SYN3: variants seen among roughly 807,000 people sequenced by gnomAD.
SYN3 encodes synapsin III, also known as synapsin-3.
SYN3 carries 35 observed loss-of-function variants against 65.8 expected under a neutral mutation model. The ratio of observed to expected loss-of-function variants is 0.53; its 90% confidence interval spans 0.41 to 0.70. SYN3 has a LOEUF of 0.70. Ranked by LOEUF, SYN3 falls within the 30% of genes least tolerant of loss-of-function variation. SYN3 has a pLI of 0.00. For missense variants in SYN3, 680 were observed against 749.0 expected (o/e 0.91, Z 1.08); for synonymous variants, 270 against 292.9 (o/e 0.92, Z 0.80).
At position 32,801,913 on chromosome 22, in the gene SYN3, G is replaced by C. The variant is rs1335493536; in HGVS notation, c.711+63002C>G. The C allele has an allele frequency of 6.3e-6, 9 of 1,425,666 alleles. No homozygotes were observed. Among genetic ancestry groups the C allele is most frequent in the Non-Finnish European group, 8.2e-6 (9 of 1,096,878 alleles). The allele number at this position is 1,425,666 out of a possible 1,614,324, so 88.3% of individuals were successfully genotyped here. A position where few individuals can be genotyped will look rare whatever the true frequency, so the allele number is the denominator to read the frequency against. On this transcript the variant is annotated intron_variant, in intron 6 of 13. Transcript: ENST00000358763. The surrounding 1 kb of genome is among the most constrained non-coding windows in gnomAD (Gnocchi z 4.7). ...GCCCCGCACGGCCCGGCGGGCGAGC[G>C]AGCTCGGGCTGCAGCAGCCCCGCCG...
intron 6 of SYN3, among the ~76,000 whole-genome samples, chr22:32,818,550 G>A (rs534731209): frequency 2.0e-5 from 3 of 152,268 alleles, no homozygotes; most frequent in African/African-American, 7.2e-5. Flanking sequence ...CGCTTTCAGA[G>A]TATTTAAAGG....
intron 6 of SYN3, among the ~76,000 whole-genome samples, chr22:32,808,925 G>C (rs910702266): frequency 6.6e-6 from 1 of 152,176 alleles, no homozygotes; most frequent in African/African-American, 2.4e-5. Context: ...CACTTTAGAG[G>C]GTAAGCACCC....
chr22:32,921,837 G>T (rs1049835274), intron 4 of SYN3, among the ~76,000 whole-genome samples: 22 of 152,096 alleles, frequency 1.4e-4, no homozygotes, highest in African/African-American at 4.6e-4. Context: ...TTATTATTAG[G>T]AGGAGGAGGG....
intron 6 of SYN3, among the ~76,000 whole-genome samples, chr22:32,719,387 A>AT (rs2061084315): frequency 6.6e-6 from 1 of 152,214 alleles, no homozygotes; most frequent in Non-Finnish European, 1.5e-5. Context: ...TGAAACTGTG[A>AT]TTTGGTGTTT....
chr22:32,855,231 C>T (rs1049852754), intron 6 of SYN3, among the ~76,000 whole-genome samples: 2 of 152,186 alleles, frequency 1.3e-5, no homozygotes, highest in African/African-American at 2.4e-5. Flanking sequence ...TTCACAGTAT[C>T]GCCTTGGCAC....
intron 4 of SYN3, among the ~76,000 whole-genome samples, chr22:32,879,507 C>T (rs142789138): frequency 5.3e-5 from 8 of 152,282 alleles, no homozygotes; most frequent in African/African-American, 1.4e-4. Context: ...ATTCTCATTG[C>T]GTCCTCACAT....
At chr22:32,518,877 G>T (rs1330490646) in intron 12 of SYN3, among the ~76,000 whole-genome samples, 1 of 152,196 alleles carries the variant, frequency 6.6e-6, no homozygotes, top group Non-Finnish European at 1.5e-5. Context: ...TCTATTTGGA[G>T]ATAGGATCTT....
At chr22:32,814,782 G>A (rs1308398915) in intron 6 of SYN3, among the ~76,000 whole-genome samples, 1 of 152,024 alleles carries the variant, frequency 6.6e-6, no homozygotes, top group Admixed American at 6.6e-5. Context: ...TCACAAGCGG[G>A]GAGACAGAAA....
chr22:32,841,199 C>T (rs899165666), intron 6 of SYN3, among the ~76,000 whole-genome samples: 2 of 152,174 alleles, frequency 1.3e-5, no homozygotes, highest in Non-Finnish European at 2.9e-5. Context: ...GCTTTGGCTA[C>T]AGCAATAGGT....
chr22:32,911,479 C>T (rs2050049092), intron 4 of SYN3, among the ~76,000 whole-genome samples: 1 of 152,126 alleles, frequency 6.6e-6, no homozygotes, highest in Non-Finnish European at 1.5e-5. Context: ...AGAGAATAAA[C>T]ATGGCCAGAT....
chr22:32,537,531 C>T (rs2058185830), intron 9 of SYN3, among the ~76,000 whole-genome samples: 1 of 152,174 alleles, frequency 6.6e-6, no homozygotes, highest in South Asian at 2.1e-4. Context: ...AGCCAGAGAG[C>T]ATCCCTAAAA....
chr22:32,643,970 T>A (rs1230142780), intron 6 of SYN3, among the ~76,000 whole-genome samples: 1 of 145,822 alleles, frequency 6.9e-6, no homozygotes, highest in African/African-American at 2.6e-5. Flanking sequence ...TCCCAGCTAC[T>A]TGGAGGCTGA....
At chr22:32,738,457 G>T (rs2061361589) in intron 6 of SYN3, among the ~76,000 whole-genome samples, 1 of 152,224 alleles carries the variant, frequency 6.6e-6, no homozygotes, top group African/African-American at 2.4e-5. Context: ...CAAATGCAAA[G>T]CGCCAAGATG....
At chr22:33,024,590 A>G (rs914181828) in intron 1 of SYN3, among the ~76,000 whole-genome samples, 10 of 152,184 alleles carry the variant, frequency 6.6e-5, no homozygotes, top group African/African-American at 2.4e-4. Flanking sequence ...TTTGGCATGT[A>G]CATTTTATGG....
intron 3 of SYN3, among the ~76,000 whole-genome samples, chr22:32,967,327 G>C (rs1315629966): frequency 2.0e-5 from 3 of 152,186 alleles, no homozygotes; most frequent in African/African-American, 7.2e-5. Context: ...AGTAAATAGT[G>C]CCTTAGAACT....
chr22:32,633,711 C>T (rs1465003983), intron 6 of SYN3, among the ~76,000 whole-genome samples: 3 of 152,304 alleles, frequency 2.0e-5, no homozygotes, highest in East Asian at 3.9e-4. Flanking sequence ...CAGCCTCGAC[C>T]TCCCAGGTCC....
chr22:32,620,796 T>C (rs1601776384), intron 6 of SYN3, among the ~76,000 whole-genome samples: 1 of 152,180 alleles, frequency 6.6e-6, no homozygotes, highest in South Asian at 2.1e-4. Flanking sequence ...CTCGGCTCAC[T>C]GCAACCTCCG....
At chr22:32,673,824 T>C (rs999953186) in intron 6 of SYN3, among the ~76,000 whole-genome samples, 5 of 152,202 alleles carry the variant, frequency 3.3e-5, no homozygotes, top group African/African-American at 9.6e-5. Flanking sequence ...AATGAGGTGA[T>C]GCCAGAGAAA....
intron 6 of SYN3, among the ~76,000 whole-genome samples, chr22:32,827,108 A>G (rs1439944134): frequency 6.6e-6 from 1 of 152,224 alleles, no homozygotes; most frequent in Non-Finnish European, 1.5e-5. Context: ...TCCCCGAGTG[A>G]ATAAATCTCC....
Sources: gnomAD v4.1 joint callset for allele counts (sites outside exome capture counted in the v4.1 genomes callset) on GRCh38, gnomAD v4.1.1 for gene constraint, Gnocchi (gnomAD v3.1) non-coding constraint, MANE v1.5 for transcripts, NCBI Gene and HGNC (gene_info 2026-07-23, HGNC 2026-07-21) for gene names.